DPP10: variants seen among roughly 807,000 people sequenced by gnomAD.
DPP10 encodes the protein dipeptidyl peptidase like 10.
DPP10 carries 33 observed loss-of-function variants against 120.9 expected under a neutral mutation model. The ratio of observed to expected loss-of-function variants is 0.27; its 90% CI spans 0.21 to 0.37. The LOEUF (loss-of-function observed/expected upper bound fraction) is 0.37, where lower values mean the gene tolerates loss of function less well. Ranked by LOEUF, DPP10 falls within the 10% of genes least tolerant of loss-of-function variation. DPP10 has a pLI of 1.00. For synonymous variants in DPP10, 337 were observed against 326.1 expected (o/e 1.03, Z -0.36); for missense variants, 816 against 942.8 (o/e 0.87, Z 1.76).
chr2:115,697,097 A>G (rs1448728393), intron 7 of DPP10, among the ~76,000 whole-genome samples: 1 of 152,126 alleles, frequency 6.6e-6, no homozygotes, highest in Non-Finnish European at 1.5e-5. Flanking sequence ...AAGAAAGGAA[A>G]TGAGAATGGA....
intron 20 of DPP10, among the ~76,000 whole-genome samples, chr2:115,815,340 A>C (rs553896165): frequency 1.3e-5 from 2 of 152,318 alleles, no homozygotes; most frequent in South Asian, 4.1e-4. Context: ...TCACACTGGC[A>C]TGAATGTGTG....
intron 1 of DPP10, among the ~76,000 whole-genome samples, chr2:115,199,039 A>T (rs114250410): frequency 0.045 from 6,872 of 152,218 alleles, 247 homozygotes; most frequent in Non-Finnish European, 0.063. Context: ...GCTAATCATG[A>T]TAATGTAGAT....
At chr2:114,820,525 A>C (rs1037423330) in intron 1 of DPP10, among the ~76,000 whole-genome samples, 5 of 152,178 alleles carry the variant, frequency 3.3e-5, no homozygotes, top group Admixed American at 6.5e-5. Flanking sequence ...TACCTGAGAC[A>C]GGGTAATTTA....
In DPP10 at chr2:115,135,241, G is replaced by GATAT. The variant is rs10534692; in HGVS notation, c.61-173981_61-173978dup. Among the ~76,000 whole-genome samples, 181 of 147,898 alleles carry GATAT rather than the reference G, an allele frequency of 1.2e-3. 2 individuals carry two copies. The highest frequency in any genetic ancestry group is 4.0e-3 in the African/African-American group (161 of 40,334). ...AGATCCTCTGAAGTGGGGCCCTTGAGATATATATATATATATATATGAGCA... is the reference window on the plus strand; with the variant it reads ...AGATCCTCTGAAGTGGGGCCCTTGAGATATATATATATATATATATATATGAGCA... On this transcript the variant is annotated intron_variant, in intron 1 of 25. Coordinates refer to ENST00000410059, the MANE Select transcript of DPP10 (RefSeq NM_020868.6).
chr2:115,729,604 T>G (rs1395820329), intron 8 of DPP10, among the ~76,000 whole-genome samples: 1 of 152,118 alleles, frequency 6.6e-6, no homozygotes, highest in Non-Finnish European at 1.5e-5. Context: ...TCATTTCTAC[T>G]AAAAAATTTT....
At chr2:114,495,063 A>G (rs1682388528) in intron 1 of DPP10, among the ~76,000 whole-genome samples, 2 of 152,200 alleles carry the variant, frequency 1.3e-5, no homozygotes, top group Admixed American at 6.5e-5. Context: ...TGGGAGAGGA[A>G]CAAGTATAGT....
intron 1 of DPP10, among the ~76,000 whole-genome samples, chr2:114,610,050 G>A (rs552830518): frequency 3.3e-5 from 5 of 152,152 alleles, no homozygotes; most frequent in South Asian, 2.1e-4. Flanking sequence ...CGCTTGCCTC[G>A]TGCCAGAGAC....
chr2:115,830,209 T>C (rs1253235604), intron 21 of DPP10, among the ~76,000 whole-genome samples: 2 of 151,774 alleles, frequency 1.3e-5, no homozygotes, highest in Non-Finnish European at 1.5e-5. Flanking sequence ...AGTACAAAAA[T>C]TGGCTGGGTG....
At chr2:115,091,085 A>G (rs1326429371) in intron 1 of DPP10, among the ~76,000 whole-genome samples, 1 of 152,176 alleles carries the variant, frequency 6.6e-6, no homozygotes, top group Non-Finnish European at 1.5e-5. Flanking sequence ...ATGTTCTGTG[A>G]TATAAAGAGA....
intron 1 of DPP10, among the ~76,000 whole-genome samples, chr2:115,294,456 G>A (rs1357900982): frequency 1.3e-5 from 2 of 151,580 alleles, no homozygotes; most frequent in Non-Finnish European, 2.9e-5. Flanking sequence ...ATTAGCTTTT[G>A]TAAATTTACA....
At chr2:115,552,977 A>G (rs1349852984) in intron 5 of DPP10, among the ~76,000 whole-genome samples, 3 of 152,092 alleles carry the variant, frequency 2.0e-5, no homozygotes, top group Non-Finnish European at 4.4e-5. Flanking sequence ...AGGTTTATTC[A>G]GCTGTGGTGA....
At chr2:114,881,480 TATC>T (rs1691610793) in intron 1 of DPP10, among the ~76,000 whole-genome samples, 1 of 113,900 alleles carries the variant, frequency 8.8e-6, no homozygotes, top group African/African-American at 3.3e-5. Context: ...TCTATCTATC[TATC>T]TATCTATCAT....
chr2:115,474,623 C>G (rs891032287), intron 3 of DPP10, among the ~76,000 whole-genome samples: 8 of 151,488 alleles, frequency 5.3e-5, no homozygotes, highest in African/African-American at 1.7e-4. Flanking sequence ...TTCTAAAAGC[C>G]TATATTCGTA....
At chr2:115,226,363 C>A (rs544154048) in intron 1 of DPP10, among the ~76,000 whole-genome samples, 1 of 152,218 alleles carries the variant, frequency 6.6e-6, no homozygotes, top group Admixed American at 6.6e-5. Context: ...TGATATATTT[C>A]TACAAAGATG....
At chr2:115,335,821 A>T (rs1471881782) in intron 2 of DPP10, among the ~76,000 whole-genome samples, 1 of 152,066 alleles carries the variant, frequency 6.6e-6, no homozygotes, top group South Asian at 2.1e-4. Flanking sequence ...GAAGAATACG[A>T]TTAAGAGTAA....
At chr2:115,032,465 A>G (rs1453109108) in intron 1 of DPP10, among the ~76,000 whole-genome samples, 4 of 151,950 alleles carry the variant, frequency 2.6e-5, no homozygotes, top group Admixed American at 2.0e-4. Context: ...AAAGAAAGAT[A>G]TTTATTTTCC....
intron 5 of DPP10, among the ~76,000 whole-genome samples, chr2:115,535,096 T>TG (rs1171339379): frequency 6.6e-6 from 1 of 151,822 alleles, no homozygotes; most frequent in African/African-American, 2.4e-5. Flanking sequence ...TCTTTTGCTG[T>TG]GCAGAAGCTC....
chr2:114,706,555 C>T (rs916933168), intron 1 of DPP10, among the ~76,000 whole-genome samples: 4 of 152,172 alleles, frequency 2.6e-5, no homozygotes, highest in African/African-American at 9.7e-5. Context: ...GCCTTTCCCT[C>T]TAGGTCTCTG....
intron 13 of DPP10, among the ~76,000 whole-genome samples, chr2:115,771,913 A>G (rs766790780): frequency 4.6e-5 from 7 of 152,186 alleles, no homozygotes; most frequent in Non-Finnish European, 8.8e-5. Flanking sequence ...AAAAATCATT[A>G]ATTAGAGACC....
Sources: gnomAD v4.1 joint callset for allele counts (sites outside exome capture counted in the v4.1 genomes callset) on GRCh38, gnomAD v4.1.1 for gene constraint, MANE v1.5 for transcripts, NCBI Gene and HGNC (gene_info 2026-07-23, HGNC 2026-07-21) for gene names.